ADAM12: variants seen among roughly 807,000 people sequenced by gnomAD.
ADAM12 encodes the protein ADAM metallopeptidase domain 12.
Under a neutral mutation model 106.4 loss-of-function variants are expected in ADAM12, and 70 were observed. The observed-to-expected ratio is 0.66, with a 90% confidence interval of 0.54 to 0.80. The LOEUF (loss-of-function observed/expected upper bound fraction) is 0.80, where lower values mean the gene tolerates loss of function less well. ADAM12 is among the 30% of genes least tolerant of loss of function. The pLI is 0.00. For synonymous variants in ADAM12, 420 were observed against 433.5 expected, an observed-to-expected ratio of 0.97 and a Z score of 0.39; for missense variants, 1,010 against 1,171.9, an observed-to-expected ratio of 0.86 and a Z score of 2.02.
intron 1 of ADAM12, among the ~76,000 whole-genome samples, chr10:126,357,996 T>C (rs1171002941): frequency 6.6e-6 from 1 of 152,154 alleles, no homozygotes; most frequent in African/African-American, 2.4e-5. Flanking sequence ...GTTACCCTGA[T>C]GCCAAAGGCA....
At chr10:126,112,511 G>A (rs922462479) in intron 6 of ADAM12, among the ~76,000 whole-genome samples, 3 of 152,084 alleles carry the variant, frequency 2.0e-5, no homozygotes, top group Non-Finnish European at 4.4e-5. Flanking sequence ...GGAGGCAGAG[G>A]CCTTCTTTGA....
intron 1 of ADAM12, among the ~76,000 whole-genome samples, 162 bp downstream of exon 1, chr10:126,387,896 G>C (rs914694509): frequency 1.3e-5 from 2 of 150,420 alleles, no homozygotes; most frequent in African/African-American, 4.9e-5. Flanking sequence ...ACCTGGGGGG[G>C]GGGGGTCGGT....
chr10:126,187,334 A>AAAAAC (rs906687132), intron 3 of ADAM12, among the ~76,000 whole-genome samples: 4 of 151,868 alleles, frequency 2.6e-5, no homozygotes, highest in East Asian at 3.9e-4. Context: ...AATAAAAAAA[A>AAAAAC]AACAAATTTA....
chr10:126,313,833 A>C (rs1339457684), intron 2 of ADAM12, among the ~76,000 whole-genome samples: 1 of 152,190 alleles, frequency 6.6e-6, no homozygotes, highest in African/African-American at 2.4e-5. Context: ...CGAGGACATA[A>C]ACAGATAAAG....
chr10:126,023,490 G>C (rs1281194300), intron 21 of ADAM12, among the ~76,000 whole-genome samples: 1 of 152,214 alleles, frequency 6.6e-6, no homozygotes, highest in African/African-American at 2.4e-5. Context: ...GTGAGGAATA[G>C]AGAAATCCAA....
At chr10:126,255,252 A>G (rs1162395150) in intron 3 of ADAM12, among the ~76,000 whole-genome samples, 1 of 152,132 alleles carries the variant, frequency 6.6e-6, no homozygotes, top group South Asian at 2.1e-4. Context: ...GCTACACTCA[A>G]TGAAAGTTTG....
At chr10:126,330,916 T>G (rs1342662220) in intron 1 of ADAM12, among the ~76,000 whole-genome samples, 1 of 152,224 alleles carries the variant, frequency 6.6e-6, no homozygotes, top group Non-Finnish European at 1.5e-5. Flanking sequence ...AATCCATTTA[T>G]TTAAGTCCCA....
intron 7 of ADAM12, 55 bp downstream of exon 7, chr10:126,109,720 C>T: frequency 2.6e-6 from 4 of 1,517,766 alleles, no homozygotes; most frequent in Middle Eastern, 1.7e-4. Context: ...CAAAACATGT[C>T]CTTTTTTCTT....
At position 126,049,542 on chromosome 10, in the gene ADAM12, G is replaced by A; in HGVS notation, c.1718+19C>T. ...GAAGGTCAGAGCAAAGACTTTGCCAGGATGTCTGGATTCCATACCTCATCT... is the reference window on the plus strand; with the variant it reads ...GAAGGTCAGAGCAAAGACTTTGCCAAGATGTCTGGATTCCATACCTCATCT... On this transcript the variant is annotated intron_variant, in intron 15 of 22. Transcript: ENST00000448723. The surrounding 1 kb of genome is among the most constrained non-coding windows in gnomAD (Gnocchi z 4.4). 6.2e-7 allele frequency: 1 copy of A among 1,613,896 alleles called. No homozygotes were observed. Among genetic ancestry groups the A allele is most frequent in the South Asian group, 1.1e-5 (1 of 91,076 alleles).
chr10:126,235,288 G>A (rs954280391), intron 3 of ADAM12, among the ~76,000 whole-genome samples: 11 of 152,216 alleles, frequency 7.2e-5, no homozygotes, highest in African/African-American at 2.2e-4. Flanking sequence ...CTTAGTCACC[G>A]GATGAACCTC....
intron 3 of ADAM12, among the ~76,000 whole-genome samples, chr10:126,249,356 T>C (rs1171286491): frequency 1.3e-5 from 2 of 152,158 alleles, no homozygotes; most frequent in Admixed American, 6.5e-5. Flanking sequence ...AGTGCATTTA[T>C]GTCTGTGAGG....
At chr10:126,206,854 T>G (rs1186544492) in intron 3 of ADAM12, among the ~76,000 whole-genome samples, 53 of 81,824 alleles carry the variant, frequency 6.5e-4, no homozygotes, top group Admixed American at 1.0e-3. Context: ...CCATGTGTTG[T>G]GGGGGCGGGG....
chr10:126,163,294 C>T (rs1956968411), intron 3 of ADAM12, among the ~76,000 whole-genome samples: 1 of 152,204 alleles, frequency 6.6e-6, no homozygotes, highest in South Asian at 2.1e-4. Context: ...GTCATGGGAG[C>T]AGGTGACTCC....
chr10:126,047,782 C>A (rs1249618995), intron 16 of ADAM12, among the ~76,000 whole-genome samples: 1 of 152,192 alleles, frequency 6.6e-6, no homozygotes, highest in Non-Finnish European at 1.5e-5. Flanking sequence ...ACCCAGCCAA[C>A]CCACTACTGG....
chr10:126,155,190 G>C, intron 4 of ADAM12, 37 bp downstream of exon 4: 1 of 1,600,658 alleles, frequency 6.2e-7, no homozygotes, highest in Non-Finnish European at 8.6e-7. Context: ...AGATCCAGTG[G>C]TGTAAGATTA....
chr10:126,021,324 T>C (rs1207741033), intron 21 of ADAM12, among the ~76,000 whole-genome samples: 2 of 152,200 alleles, frequency 1.3e-5, no homozygotes, highest in African/African-American at 4.8e-5. Context: ...AACACTTGAG[T>C]TGAATTTCTC....
In ADAM12 at chr10:126,016,676, C is replaced by G. The variant is rs1362207959; in HGVS notation, c.*603G>C. On this transcript the variant is annotated 3_prime_UTR_variant, in exon 23 of 23. Coordinates refer to ENST00000448723, the MANE Select transcript of ADAM12 (RefSeq NM_001288973.2). ...TCCTGTCTGCAACCCAGGTTCTCAC[C>G]AAAGCTTCCTGGCCAGAAGCCAGAT... is the stretch of plus-strand genomic sequence containing the variant. The G allele has an allele frequency of 6.6e-6, 1 of 152,362 alleles. No homozygotes were observed. Among genetic ancestry groups the G allele is most frequent in the African/African-American group, 2.4e-5 (1 of 41,436 alleles). The allele number at this position is 152,362 out of a possible 1,614,324, so 9.4% of individuals were successfully genotyped here. A position where few individuals can be genotyped will look rare whatever the true frequency, so the allele number is the denominator to read the frequency against.
intron 3 of ADAM12, among the ~76,000 whole-genome samples, chr10:126,278,062 C>T (rs1229499361): frequency 6.6e-6 from 1 of 152,110 alleles, no homozygotes; most frequent in African/African-American, 2.4e-5. Flanking sequence ...ACTCTTGTTT[C>T]AGAAAAAATC....
At chr10:126,260,256 C>T (rs1345166716) in intron 3 of ADAM12, among the ~76,000 whole-genome samples, 1 of 152,234 alleles carries the variant, frequency 6.6e-6, no homozygotes, top group Non-Finnish European at 1.5e-5. Flanking sequence ...ACTATCCATA[C>T]TCACAGGCAA....
Sources: gnomAD v4.1 joint callset for allele counts (sites outside exome capture counted in the v4.1 genomes callset) on GRCh38, gnomAD v4.1.1 for gene constraint, Gnocchi (gnomAD v3.1) non-coding constraint, MANE v1.5 for transcripts, NCBI Gene and HGNC (gene_info 2026-07-23, HGNC 2026-07-21) for gene names.